Variants in ARHGAP22 observed in about 807,000 individuals in gnomAD.
The protein encoded by ARHGAP22 is Rho GTPase activating protein 22.
ARHGAP22 carries 48 observed loss-of-function variants against 59.1 expected under a neutral mutation model. That is an observed-to-expected ratio of 0.81 (90% confidence interval 0.64 to 1.03). The LOEUF (loss-of-function observed/expected upper bound fraction) is 1.03, where lower values mean the gene tolerates loss of function less well. ARHGAP22 is among the 50% of genes least tolerant of loss of function. The probability of loss-of-function intolerance (pLI) is 0.00; values close to 1 mark genes in which losing one functional copy is unlikely to be tolerated. For synonymous variants in ARHGAP22, 445 were observed against 416.4 expected (o/e 1.07, Z -0.84); for missense variants, 1,015 against 958.7 (o/e 1.06, Z -0.78).
chr10:48,502,334 A>G (rs1048503942), intron 3 of ARHGAP22, among the ~76,000 whole-genome samples: 3 of 152,192 alleles, frequency 2.0e-5, no homozygotes, highest in African/African-American at 7.2e-5. Context: ...GCAGAAGTGA[A>G]GAGTGTGGGA....
chr10:48,605,113 A>C (rs1014755368), upstream of ARHGAP22: 16 of 1,224,530 alleles, frequency 1.3e-5, no homozygotes, highest in Non-Finnish European at 1.5e-5. Context: ...GCCTGGGCGC[A>C]CGCGTGGCTG....
chr10:48,641,241 CATATCAATAATT>C (rs2062032675), intron 1 of ARHGAP22, among the ~76,000 whole-genome samples: 2 of 152,040 alleles, frequency 1.3e-5, no homozygotes, highest in African/African-American at 4.8e-5. Flanking sequence ...TAAATTCAAA[CATATCAATAATT>C]ATATTAAATG....
At chr10:48,498,657 A>C (rs566974155) in intron 3 of ARHGAP22, among the ~76,000 whole-genome samples, 29 of 152,306 alleles carry the variant, frequency 1.9e-4, no homozygotes, top group African/African-American at 6.3e-4. Context: ...TAGCTGGCGT[A>C]AGAAGGGCAG....
chr10:48,563,654 A>G (rs1044685745), intron 2 of ARHGAP22, among the ~76,000 whole-genome samples: 9 of 152,338 alleles, frequency 5.9e-5, no homozygotes, highest in South Asian at 2.1e-4. Context: ...ACAGTAGACT[A>G]CAGTATATCT....
chr10:48,598,839 CA>C (rs2060221982), intron 1 of ARHGAP22, among the ~76,000 whole-genome samples: 1 of 152,226 alleles, frequency 6.6e-6, no homozygotes, highest in Non-Finnish European at 1.5e-5. Flanking sequence ...GAGGCTTTCA[CA>C]ACCTGGGGCA....
intron 1 of ARHGAP22, among the ~76,000 whole-genome samples, chr10:48,641,246 C>T (rs1201291334): frequency 1.3e-5 from 2 of 151,954 alleles, no homozygotes; most frequent in African/African-American, 4.8e-5. Context: ...TCAAACATAT[C>T]AATAATTATA....
intron 1 of ARHGAP22, among the ~76,000 whole-genome samples, chr10:48,642,207 T>C (rs1565046509): frequency 6.6e-6 from 1 of 152,310 alleles, no homozygotes; most frequent in South Asian, 2.1e-4. Context: ...AAGCTACCAA[T>C]GACTTTCTTC....
chr10:48,435,138 G>A, the ARHGAP22 span: 4 of 856,698 alleles, frequency 4.7e-6, no homozygotes, highest in African/African-American at 5.1e-5. Flanking sequence ...TTCAAAAAAT[G>A]TAGAATTCAT....
intron 3 of ARHGAP22, among the ~76,000 whole-genome samples, chr10:48,509,086 C>T (rs1197223126): frequency 1.3e-5 from 2 of 152,260 alleles, no homozygotes; most frequent in Non-Finnish European, 2.9e-5. Context: ...ATTCTTTGCT[C>T]ATTGTCAGTC....
intron 1 of ARHGAP22, among the ~76,000 whole-genome samples, chr10:48,641,986 AATTCCTTC>A (rs1395574102): frequency 6.6e-6 from 1 of 152,222 alleles, no homozygotes; most frequent in African/African-American, 2.4e-5. Flanking sequence ...TCCCATTCAC[AATTCCTTC>A]AAAGAGAATA....
At chr10:48,630,324 TG>T (rs1039535661) in intron 1 of ARHGAP22, among the ~76,000 whole-genome samples, 2 of 152,116 alleles carry the variant, frequency 1.3e-5, no homozygotes, top group African/African-American at 4.8e-5. Context: ...TCTCTTGACT[TG>T]GTGATCCACC....
chr10:48,593,798 A>T (rs1031387223), intron 1 of ARHGAP22, among the ~76,000 whole-genome samples: 2 of 152,264 alleles, frequency 1.3e-5, no homozygotes, highest in Non-Finnish European at 2.9e-5. Flanking sequence ...ACCACTTTAT[A>T]TAAAAAGGAA....
Position 48,604,352 on chromosome 10 carries a change from C to G in ARHGAP22, c.34+411G>C, listed in dbSNP as rs149905137. Among the ~76,000 whole-genome samples the G allele has an allele frequency of 2.5e-3, 375 of 152,370 alleles. 2 individuals carry two copies. Among genetic ancestry groups the G allele is most frequent in the African/African-American group, 8.4e-3 (351 of 41,590 alleles). On this transcript the variant is annotated intron_variant, in intron 1 of 9. Coordinates refer to ENST00000249601, the MANE Select transcript of ARHGAP22 (RefSeq NM_021226.4). ...GACCCTCGCTTGCACCCAGCTGTCT[C>G]TAGAAGCCAGGGCATGGCCTTCCCT... is the stretch of plus-strand genomic sequence containing the variant.
At chr10:48,574,775 C>T (rs1340723572) in intron 2 of ARHGAP22, 1 of 152,190 alleles carries the variant, frequency 6.6e-6, no homozygotes, top group East Asian at 1.9e-4. Flanking sequence ...TGTCAGCTTT[C>T]AGGCGCTATC....
intron 1 of ARHGAP22, among the ~76,000 whole-genome samples, chr10:48,584,672 T>C (rs1161108449): frequency 1.3e-5 from 2 of 152,250 alleles, no homozygotes; most frequent in Admixed American, 1.3e-4. Context: ...TTGTTAGGTA[T>C]TTTTTGTATC....
upstream of ARHGAP22, among the ~76,000 whole-genome samples, chr10:48,605,340 C>CA (rs1431298016): frequency 1.4e-5 from 2 of 138,238 alleles, no homozygotes; most frequent in South Asian, 2.8e-4. Context: ...ACCCCCCCCC[C>CA]ACCCCAGAGC....
chr10:48,575,901 T>A (rs1467376253), intron 2 of ARHGAP22, among the ~76,000 whole-genome samples: 1 of 152,208 alleles, frequency 6.6e-6, no homozygotes, highest in Non-Finnish European at 1.5e-5. Context: ...CCCATCTAAG[T>A]GGCCTTTCTG....
intron 1 of ARHGAP22, among the ~76,000 whole-genome samples, chr10:48,600,634 G>A (rs192186610): frequency 3.4e-4 from 51 of 151,760 alleles, no homozygotes; most frequent in Non-Finnish European, 2.6e-4. Context: ...TTATTTCCTC[G>A]AATCAGGTTC....
intron 4 of ARHGAP22, among the ~76,000 whole-genome samples, chr10:48,462,594 C>T (rs1206962916): frequency 1.3e-5 from 2 of 152,192 alleles, no homozygotes; most frequent in Non-Finnish European, 2.9e-5. Flanking sequence ...TGTGGAGATA[C>T]CTATGTGAGG....
Sources: gnomAD v4.1 joint callset for allele counts (sites outside exome capture counted in the v4.1 genomes callset) on GRCh38, gnomAD v4.1.1 for gene constraint, MANE v1.5 for transcripts, NCBI Gene and HGNC (gene_info 2026-07-23, HGNC 2026-07-21) for gene names.